ZC3H12B: variants seen among roughly 807,000 people sequenced by gnomAD.
The protein encoded by ZC3H12B is zinc finger CCCH-type containing 12B.
Under a neutral mutation model 43.9 loss-of-function variants are expected in ZC3H12B, and 7 were observed. The observed-to-expected ratio is 0.16, with a 90% confidence interval of 0.09 to 0.30. The LOEUF is 0.30. Among genes scored for constraint, ZC3H12B ranks in the 10% least tolerant of loss-of-function variants. The probability of loss-of-function intolerance (pLI) is 1.00; values close to 1 mark genes in which losing one functional copy is unlikely to be tolerated. For missense variants in ZC3H12B, 475 were observed against 670.2 expected (o/e 0.71, Z 3.22); for synonymous variants, 222 against 241.7 (o/e 0.92, Z 0.76).
At chrX:65,226,643 C>T in the ZC3H12B span, among the ~76,000 whole-genome samples, 60 of 111,008 alleles carry the variant, frequency 5.4e-4, no homozygotes, top group African/African-American at 1.5e-3. Flanking sequence ...ACCCATCTCA[C>T]GTGCAGAGAC....
the ZC3H12B span, among the ~76,000 whole-genome samples, chrX:65,260,323 A>G: frequency 2.7e-5 from 3 of 111,222 alleles, no homozygotes; most frequent in Non-Finnish European, 3.8e-5. Flanking sequence ...TAAAATACCT[A>G]GGAATACAGC....
At chrX:65,331,177 G>A in the ZC3H12B span, 1 of 198,675 alleles carries the variant, frequency 5.0e-6, no homozygotes, top group South Asian at 9.4e-5. Flanking sequence ...GTCCAAGAGA[G>A]CGCAGCACTC....
chrX:65,471,319 T>C (rs1336957075), intron 3 of ZC3H12B, among the ~76,000 whole-genome samples: 1 of 110,970 alleles, frequency 9.0e-6, no homozygotes, highest in Non-Finnish European at 1.9e-5. Flanking sequence ...GATATAAGAA[T>C]AGTTACTCCT....
the ZC3H12B span, among the ~76,000 whole-genome samples, chrX:65,320,386 G>T: frequency 9.0e-6 from 1 of 111,611 alleles, no homozygotes; most frequent in East Asian, 2.8e-4. Flanking sequence ...ACTGTTCAAA[G>T]GAATCAGAGA....
At chrX:65,492,805 TA>T (rs1398424309) in intron 1 of ZC3H12B, among the ~76,000 whole-genome samples, 1 of 111,786 alleles carries the variant, frequency 8.9e-6, no homozygotes, top group Non-Finnish European at 1.9e-5. Context: ...TATCCTGCAT[TA>T]AAATTATGAT....
At chrX:65,092,624 G>A in the ZC3H12B span, among the ~76,000 whole-genome samples, 4 of 111,596 alleles carry the variant, frequency 3.6e-5, no homozygotes, top group Non-Finnish European at 7.5e-5. Context: ...TTTGAGCTTG[G>A]GAATGATGAT....
At chrX:65,097,059 T>C in the ZC3H12B span, among the ~76,000 whole-genome samples, 1 of 111,827 alleles carries the variant, frequency 8.9e-6, no homozygotes, top group Non-Finnish European at 1.9e-5. Flanking sequence ...GTCCATAAGT[T>C]GTTAAAATTT....
the ZC3H12B span, among the ~76,000 whole-genome samples, chrX:65,302,507 AAAG>A: frequency 7.1e-5 from 8 of 112,229 alleles, no homozygotes; most frequent in African/African-American, 2.6e-4. Context: ...GAAAAAAATT[AAAG>A]AAGAACTAAA....
chrX:65,386,005 A>T (rs2066519198), intron 2 of ZC3H12B, among the ~76,000 whole-genome samples: 1 of 112,134 alleles, frequency 8.9e-6, no homozygotes, highest in Non-Finnish European at 1.9e-5. Context: ...CCACTTGATC[A>T]TGGTGGATAA....
the ZC3H12B span, among the ~76,000 whole-genome samples, chrX:65,201,207 C>A: frequency 8.1e-5 from 9 of 111,742 alleles, no homozygotes; most frequent in South Asian, 3.4e-3. Flanking sequence ...AGGCTATTTA[C>A]TACCACCTCA....
the ZC3H12B span, among the ~76,000 whole-genome samples, chrX:65,062,756 G>A: frequency 4.5e-5 from 5 of 111,871 alleles, no homozygotes; most frequent in Non-Finnish European, 7.5e-5. Context: ...GGACTGTGTG[G>A]CCATTTTCAC....
At chrX:65,356,951 C>T in the ZC3H12B span, 1 of 451,025 alleles carries the variant, frequency 2.2e-6, no homozygotes, top group Middle Eastern at 4.6e-4. Flanking sequence ...GGCTGTAAAA[C>T]AGAGTTGATA....
At chrX:65,322,838 C>T in the ZC3H12B span, among the ~76,000 whole-genome samples, 23 of 111,463 alleles carry the variant, frequency 2.1e-4, no homozygotes, top group Admixed American at 2.0e-3. Context: ...GTTTTATGAA[C>T]ATTTTAATAT....
At chrX:65,141,806 G>A in the ZC3H12B span, among the ~76,000 whole-genome samples, 1 of 111,411 alleles carries the variant, frequency 9.0e-6, no homozygotes, top group South Asian at 3.8e-4. Flanking sequence ...TAGAATAATA[G>A]TCCCCAATCT....
upstream of ZC3H12B, among the ~76,000 whole-genome samples, chrX:65,364,610 C>A (rs983083356): frequency 2.0e-5 from 2 of 99,116 alleles, no homozygotes; most frequent in Admixed American, 2.0e-4. Flanking sequence ...GCAAATGGTT[C>A]TTGGACCAAG....
chrX:65,271,581 G>A, the ZC3H12B span: 1 of 112,297 alleles, frequency 8.9e-6, no homozygotes, highest in African/African-American at 3.2e-5. Context: ...TAACATTCTG[G>A]ATAACACTGG....
At chrX:65,459,627 T>G (rs1199278195) in intron 3 of ZC3H12B, among the ~76,000 whole-genome samples, 1 of 112,015 alleles carries the variant, frequency 8.9e-6, no homozygotes, top group Non-Finnish European at 1.9e-5. Flanking sequence ...TCTCAATAGA[T>G]GCAGAAAAGG....
the ZC3H12B span, among the ~76,000 whole-genome samples, chrX:65,166,000 A>G: frequency 9.0e-6 from 1 of 111,065 alleles, no homozygotes; most frequent in Non-Finnish European, 1.9e-5. Flanking sequence ...AACTGGCATG[A>G]GATGGTATCT....
the ZC3H12B span, among the ~76,000 whole-genome samples, chrX:65,337,197 A>G: frequency 6.3e-5 from 7 of 111,445 alleles, no homozygotes; most frequent in Non-Finnish European, 3.8e-5. Flanking sequence ...AAGTCAGCCA[A>G]TTGGTGCTGC....
Sources: gnomAD v4.1 joint callset for allele counts (sites outside exome capture counted in the v4.1 genomes callset) on GRCh38, gnomAD v4.1.1 for gene constraint, MANE v1.5 for transcripts, NCBI Gene and HGNC (gene_info 2026-07-23, HGNC 2026-07-21) for gene names.